Variants in CORO2B observed in about 807,000 individuals in gnomAD.
The protein encoded by CORO2B is coronin-2B.
In CORO2B, 26 loss-of-function variants were observed where a neutral mutation model predicts 58.8. The observed-to-expected ratio is 0.44, with a 90% CI of 0.32 to 0.61. The LOEUF (loss-of-function observed/expected upper bound fraction) is 0.61. Ranked by LOEUF, CORO2B falls within the 20% of genes least tolerant of loss-of-function variation. The pLI is 0.04. For synonymous variants in CORO2B, 242 were observed against 253.8 expected (o/e 0.95, Z 0.44); for missense variants, 460 against 645.1 (o/e 0.71, Z 3.11).
At chr15:68,565,296 T>G in the CORO2B span, among the ~76,000 whole-genome samples, 1 of 137,752 alleles carries the variant, frequency 7.3e-6, no homozygotes, top group African/African-American at 2.5e-5. Context: ...ATTACTATTT[T>G]CCTTATTTTT....
chr15:68,546,798 T>C, the CORO2B span, among the ~76,000 whole-genome samples: 1 of 152,174 alleles, frequency 6.6e-6, no homozygotes, highest in Non-Finnish European at 1.5e-5. Context: ...ACTTTGACCT[T>C]AGCTAGTATT....
In CORO2B at chr15:68,705,351, T is replaced by A. The variant is rs545391736; in HGVS notation, c.334-5381T>A. On this transcript the variant is annotated intron_variant, in intron 3 of 11. Coordinates refer to ENST00000261861, the MANE Select transcript of CORO2B (RefSeq NM_006091.5). ...TACTCGGGAGGCTGAGGCAAGAAAA[T>A]CCCTTGAACCCAGGGGATGGAGGTT... is the stretch of plus-strand genomic sequence containing the variant. Among the ~76,000 whole-genome samples the A allele has an allele frequency of 1.9e-4, 27 of 143,312 alleles. No homozygotes were observed. The East Asian group carries it at 5.0e-3, about 26-fold the overall frequency. The allele number at this position is 143,312 out of a possible 152,430, so 94.0% of individuals were successfully genotyped here.
At chr15:68,705,436 CA>C (rs35973911) in intron 3 of CORO2B, among the ~76,000 whole-genome samples, 87 of 112,800 alleles carry the variant, frequency 7.7e-4, no homozygotes, top group Non-Finnish European at 9.7e-4. Flanking sequence ...AACTCTATCT[CA>C]AAAAAAAAAA....
chr15:68,561,191 T>C, the CORO2B span, among the ~76,000 whole-genome samples: 1 of 152,016 alleles, frequency 6.6e-6, no homozygotes, highest in Non-Finnish European at 1.5e-5. Flanking sequence ...CTGAGGGTGC[T>C]CGGGAGATAA....
chr15:68,548,588 A>G, the CORO2B span, among the ~76,000 whole-genome samples: 2 of 152,232 alleles, frequency 1.3e-5, no homozygotes, highest in African/African-American at 4.8e-5. Flanking sequence ...CTCTAGGAAT[A>G]TATCTCAAAA....
At chr15:68,602,174 C>T (rs1014495348) in intron 1 of CORO2B, among the ~76,000 whole-genome samples, 18 of 152,188 alleles carry the variant, frequency 1.2e-4, no homozygotes, top group South Asian at 4.1e-4. Context: ...TAATCCCATT[C>T]GCAAGGACCA....
the CORO2B span, among the ~76,000 whole-genome samples, chr15:68,549,807 G>A: frequency 1.3e-5 from 2 of 152,108 alleles, no homozygotes; most frequent in African/African-American, 2.4e-5. Context: ...TGGGCATTGC[G>A]GCATGTGCCT....
At chr15:68,695,104 A>C in intron 2 of CORO2B, 36 bp from the exon 3 acceptor site, 33 of 1,498,946 alleles carry the variant, frequency 2.2e-5, no homozygotes, top group Non-Finnish European at 2.6e-5. Flanking sequence ...CCATCAAACT[A>C]ATCTCCTTCT....
At chr15:68,554,387 A>G in the CORO2B span, among the ~76,000 whole-genome samples, 1 of 152,054 alleles carries the variant, frequency 6.6e-6, no homozygotes, top group Non-Finnish European at 1.5e-5. Context: ...AGGCCAGGAG[A>G]TGTTTACCTG....
chr15:68,652,399 T>G (rs111423862), intron 2 of CORO2B, among the ~76,000 whole-genome samples: 1 of 152,172 alleles, frequency 6.6e-6, no homozygotes, highest in Non-Finnish European at 1.5e-5. Context: ...GATTAACCAC[T>G]GGGGCCTCCC....
chr15:68,537,354 C>G, the CORO2B span, among the ~76,000 whole-genome samples: 1 of 152,166 alleles, frequency 6.6e-6, no homozygotes, highest in African/African-American at 2.4e-5. Context: ...CCATTATTCT[C>G]CAGAGACTAC....
intron 1 of CORO2B, among the ~76,000 whole-genome samples, chr15:68,580,130 T>C (rs1899389700): frequency 6.6e-6 from 1 of 152,210 alleles, no homozygotes; most frequent in African/African-American, 2.4e-5. Context: ...TTTCTTCTTG[T>C]GTGCTGTGAG....
chr15:68,560,441 C>T, the CORO2B span, among the ~76,000 whole-genome samples: 2 of 152,062 alleles, frequency 1.3e-5, no homozygotes, highest in African/African-American at 4.8e-5. Context: ...ACTACAGGTG[C>T]ATGCCACCAT....
rs114382476 is a variant in CORO2B, at chr15:68,718,476, A to G, written c.968-222A>G. On this transcript the variant is annotated intron_variant, in intron 8 of 11. Transcript: ENST00000261861. ...TAAAGGGTCCAATTCTAAAGCACGCACTGTGGTGAGGCAGGTCTGGCCCAA... is the reference window on the plus strand; with the variant it reads ...TAAAGGGTCCAATTCTAAAGCACGCGCTGTGGTGAGGCAGGTCTGGCCCAA... Among the ~76,000 whole-genome samples, 917 of 152,236 alleles carry G rather than the reference A, an allele frequency of 6.0e-3. 10 individuals are homozygous for G. Among genetic ancestry groups the G allele is most frequent in the African/African-American group, 0.021 (880 of 41,532 alleles).
chr15:68,620,745 G>A (rs1454574078), intron 1 of CORO2B, among the ~76,000 whole-genome samples: 1 of 152,198 alleles, frequency 6.6e-6, no homozygotes, highest in Non-Finnish European at 1.5e-5. Flanking sequence ...GAGGCCCAGA[G>A]AGGGAGTGTG....
chr15:68,541,346 G>C, the CORO2B span, among the ~76,000 whole-genome samples: 1 of 152,120 alleles, frequency 6.6e-6, no homozygotes, highest in Non-Finnish European at 1.5e-5. Context: ...TTGGCACCAA[G>C]TAGTACTATT....
chr15:68,715,280 G>A lies in CORO2B; in HGVS notation c.936G>A (p.Glu312=), dbSNP rs1455323642. 6.2e-7 allele frequency: 1 copy of A among 1,613,958 alleles called. No homozygotes were observed. Among genetic ancestry groups the A allele is most frequent in the Non-Finnish European group, 8.5e-7 (1 of 1,180,014 alleles). The change falls in exon 8 of 12, where the codon GAG becomes GAA. Residue 312 remains glutamate (E), a synonymous_variant. Coordinates refer to ENST00000261861, the MANE Select transcript of CORO2B (RefSeq NM_006091.5). ...TEKPYLSYLM[E]FRSPAPQKGL... Reference sequence around the variant, plus strand: ...AGCCCTACCTGAGTTACCTCATGGAGTTCCGCTCCCCAGCCCCGCAGAAAG... The same window carrying A: ...AGCCCTACCTGAGTTACCTCATGGAATTCCGCTCCCCAGCCCCGCAGAAAG...
chr15:68,527,546 T>A, the CORO2B span, among the ~76,000 whole-genome samples: 1 of 152,220 alleles, frequency 6.6e-6, no homozygotes, highest in African/African-American at 2.4e-5. Flanking sequence ...TTGATGCCAG[T>A]GCCACACTCT....
At chr15:68,572,698 G>C in the CORO2B span, among the ~76,000 whole-genome samples, 1 of 152,110 alleles carries the variant, frequency 6.6e-6, no homozygotes, top group African/African-American at 2.4e-5. Flanking sequence ...ACTGAGGCTG[G>C]TTTGGGGCCC....
Sources: gnomAD v4.1 joint callset for allele counts (sites outside exome capture counted in the v4.1 genomes callset) on GRCh38, gnomAD v4.1.1 for gene constraint, MANE v1.5 for transcripts, NCBI Gene and HGNC (gene_info 2026-07-23, HGNC 2026-07-21) for gene names.